The following UNC13C variants were observed in gnomAD, a reference collection of about 807,000 sequenced individuals.
The protein encoded by UNC13C is protein unc-13 homolog C.
A neutral mutation model predicts 245.4 loss-of-function variants in UNC13C; 174 were observed. The observed-to-expected ratio is 0.71, with a 90% CI of 0.63 to 0.80. UNC13C has a LOEUF of 0.80. Ranked by LOEUF, UNC13C falls within the 30% of genes least tolerant of loss-of-function variation. UNC13C has a pLI of 0.00. For synonymous variants in UNC13C, 992 were observed against 895.1 expected, an observed-to-expected ratio of 1.11 and a Z score of -1.93; for missense variants, 2,829 against 2,602.9, an observed-to-expected ratio of 1.09 and a Z score of -1.89.
chr15:54,109,816 T>C lies in UNC13C; in HGVS notation c.2984-33202T>C, dbSNP rs570844424. Among the ~76,000 whole-genome samples, 4 of 152,226 alleles carry C rather than the reference T, an allele frequency of 2.6e-5. No individual in the cohort carries two copies. The South Asian group carries it at 8.3e-4, about 32-fold the overall frequency. On this transcript the variant is annotated intron_variant, in intron 2 of 32. Coordinates refer to ENST00000260323, the MANE Select transcript of UNC13C (RefSeq NM_001080534.3). ...TAGGGATGGAGATATTATAGGTGGATATCTCCCTCCTCCCAACATAATCTG... is the reference window on the plus strand; with the variant it reads ...TAGGGATGGAGATATTATAGGTGGACATCTCCCTCCTCCCAACATAATCTG...
At chr15:54,580,816 C>T (rs185643421) in intron 30 of UNC13C, among the ~76,000 whole-genome samples, 1 of 152,280 alleles carries the variant, frequency 6.6e-6, no homozygotes, top group Admixed American at 6.5e-5. Flanking sequence ...TCACGTGTTC[C>T]TCTGTGAGCT....
intron 8 of UNC13C, among the ~76,000 whole-genome samples, chr15:54,255,072 A>G (rs1294147121): frequency 1.3e-5 from 2 of 152,108 alleles, no homozygotes; most frequent in African/African-American, 4.8e-5. Context: ...GAGTATACAG[A>G]TGGGTAGGGA....
At chr15:54,290,969 GTTAAGT>G (rs1372425049) in intron 10 of UNC13C, among the ~76,000 whole-genome samples, 4 of 151,998 alleles carry the variant, frequency 2.6e-5, no homozygotes, top group African/African-American at 7.2e-5. Flanking sequence ...TGTATTGAGA[GTTAAGT>G]TTAAGATGAT....
chr15:54,237,790 C>A, intron 7 of UNC13C, 100 bp downstream of exon 7: 2 of 1,020,166 alleles, frequency 2.0e-6, no homozygotes, highest in Non-Finnish European at 2.9e-6. Context: ...ATGTTTAGTC[C>A]AATGTTCCAG....
intron 19 of UNC13C, among the ~76,000 whole-genome samples, chr15:54,465,134 G>A (rs1472447774): frequency 6.6e-6 from 1 of 151,976 alleles, no homozygotes; most frequent in South Asian, 2.1e-4. Context: ...CTTGAAAGAA[G>A]TAATGAATAA....
Position 54,314,936 on chromosome 15 carries a change from G to C in UNC13C, c.4269-7003G>C, listed in dbSNP as rs190745085. On this transcript the variant is annotated intron_variant, in intron 13 of 32. Transcript: ENST00000260323. ...TTCTGTGATATTTGGATTATCTCCAGGTACAAAGTATTTTTTTTTCCTTCT... is the reference window on the plus strand; with the variant it reads ...TTCTGTGATATTTGGATTATCTCCACGTACAAAGTATTTTTTTTTCCTTCT... Among the ~76,000 whole-genome samples, 273 of 149,546 alleles carry C rather than the reference G, an allele frequency of 1.8e-3. 1 individual carries two copies. The highest frequency in any genetic ancestry group is 6.3e-3 in the African/African-American group (260 of 41,010).
At chr15:54,464,413 AT>A (rs1892054792) in intron 19 of UNC13C, among the ~76,000 whole-genome samples, 1 of 152,222 alleles carries the variant, frequency 6.6e-6, no homozygotes, top group Non-Finnish European at 1.5e-5. Context: ...TTATGTTGAT[AT>A]TTTAGTGAAG....
At chr15:54,572,424 A>ATTT (rs1336090253) in intron 30 of UNC13C, among the ~76,000 whole-genome samples, 6 of 131,618 alleles carry the variant, frequency 4.6e-5, no homozygotes, top group East Asian at 2.1e-4. Context: ...TGTCTCTTTA[A>ATTT]TTTTTTTTTT....
At chr15:54,481,628 G>T (rs1333927959) in intron 19 of UNC13C, among the ~76,000 whole-genome samples, 2 of 152,096 alleles carry the variant, frequency 1.3e-5, no homozygotes, top group East Asian at 3.9e-4. Flanking sequence ...GCAGAATGCT[G>T]CAGCTGCTTG....
chr15:53,884,158 C>T, the UNC13C span, among the ~76,000 whole-genome samples: 8,593 of 152,140 alleles, frequency 0.056, 291 homozygotes, highest in Middle Eastern at 0.15. Flanking sequence ...GAGGGATGGA[C>T]CACATTAACT....
At chr15:54,434,310 G>A (rs867027534) in intron 19 of UNC13C, among the ~76,000 whole-genome samples, 1 of 152,016 alleles carries the variant, frequency 6.6e-6, no homozygotes, top group African/African-American at 2.4e-5. Context: ...CAAAGCTAGA[G>A]GCATCACACT....
chr15:54,061,127 A>T (rs1399981181), intron 2 of UNC13C, among the ~76,000 whole-genome samples: 5 of 152,110 alleles, frequency 3.3e-5, no homozygotes, highest in Admixed American at 2.0e-4. Context: ...TAATAATAAA[A>T]AAAAAAGGAA....
intron 7 of UNC13C, among the ~76,000 whole-genome samples, chr15:54,238,877 T>C (rs2035777798): frequency 6.6e-6 from 1 of 152,180 alleles, no homozygotes; most frequent in African/African-American, 2.4e-5. Context: ...CTGGAACTCT[T>C]GAGGGAGCTT....
At chr15:54,278,551 T>C (rs1180906777) in intron 10 of UNC13C, among the ~76,000 whole-genome samples, 1 of 152,150 alleles carries the variant, frequency 6.6e-6, no homozygotes, top group Admixed American at 6.6e-5. Flanking sequence ...CTCAACTTTG[T>C]CGTTAAGCTG....
intron 4 of UNC13C, 87 bp downstream of exon 4, chr15:54,143,771 G>A (rs2032133717): frequency 5.3e-6 from 5 of 937,630 alleles, no homozygotes; most frequent in Non-Finnish European, 8.2e-6. Context: ...AGTGCAAGAT[G>A]CTGCATGATT....
intron 4 of UNC13C, among the ~76,000 whole-genome samples, chr15:54,197,871 C>A (rs561378812): frequency 6.6e-6 from 1 of 152,070 alleles, no homozygotes; most frequent in Admixed American, 6.6e-5. Flanking sequence ...CCCTGAGACA[C>A]CAAAAATCTG....
chr15:53,867,078 T>C, the UNC13C span, among the ~76,000 whole-genome samples: 1 of 152,202 alleles, frequency 6.6e-6, no homozygotes, highest in Non-Finnish European at 1.5e-5. Context: ...GGAAATCATA[T>C]GGCTTAATTT....
At chr15:54,580,951 T>C (rs866522644) in intron 30 of UNC13C, among the ~76,000 whole-genome samples, 1 of 152,148 alleles carries the variant, frequency 6.6e-6, no homozygotes, top group South Asian at 2.1e-4. Context: ...TAATCATATA[T>C]TTATTGAACC....
At chr15:54,360,541 A>G (rs2140862795) in intron 17 of UNC13C, among the ~76,000 whole-genome samples, 1 of 152,160 alleles carries the variant, frequency 6.6e-6, no homozygotes, top group African/African-American at 2.4e-5. Flanking sequence ...CCCCTTTATC[A>G]TTATATAATT....
Sources: gnomAD v4.1 joint callset for allele counts (sites outside exome capture counted in the v4.1 genomes callset) on GRCh38, gnomAD v4.1.1 for gene constraint, MANE v1.5 for transcripts, NCBI Gene and HGNC (gene_info 2026-07-23, HGNC 2026-07-21) for gene names.